The following SLC24A2 variants were observed in gnomAD, a reference collection of about 807,000 sequenced individuals.
The protein encoded by SLC24A2 is solute carrier family 24 member 2.
A neutral mutation model predicts 62.0 loss-of-function variants in SLC24A2; 36 were observed. The ratio of observed to expected loss-of-function variants is 0.58; its 90% CI spans 0.44 to 0.77. SLC24A2 has a LOEUF of 0.77. SLC24A2 is among the 30% of genes least tolerant of loss of function. The probability of loss-of-function intolerance (pLI) is 0.00; values close to 1 mark genes in which losing one functional copy is unlikely to be tolerated. For synonymous variants in SLC24A2, 358 were observed against 294.0 expected (o/e 1.22, Z -2.23); for missense variants, 846 against 817.9 (o/e 1.03, Z -0.42).
At chr9:19,642,049 G>A (rs180690670) in intron 2 of SLC24A2, among the ~76,000 whole-genome samples, 7 of 152,190 alleles carry the variant, frequency 4.6e-5, no homozygotes, top group Non-Finnish European at 1.0e-4. Flanking sequence ...GTCGTTGGGA[G>A]GGAGGGGAAG....
chr9:20,208,026 G>A, the SLC24A2 span, among the ~76,000 whole-genome samples: 2 of 152,302 alleles, frequency 1.3e-5, no homozygotes, highest in East Asian at 1.9e-4. Context: ...TTAAAGACTT[G>A]TAAAGGAGAC....
the SLC24A2 span, among the ~76,000 whole-genome samples, chr9:20,008,922 C>A: frequency 2.2e-4 from 33 of 152,302 alleles, no homozygotes; most frequent in Middle Eastern, 3.4e-3. Flanking sequence ...CAACTGGCAA[C>A]TGTCCACAGG....
At chr9:19,770,655 A>C (rs1010710893) in intron 2 of SLC24A2, among the ~76,000 whole-genome samples, 12 of 152,222 alleles carry the variant, frequency 7.9e-5, no homozygotes, top group African/African-American at 2.9e-4. Flanking sequence ...TGCATAGGTA[A>C]CTTGTAAAAT....
chr9:20,229,719 TATTTC>T, the SLC24A2 span, among the ~76,000 whole-genome samples: 3 of 152,266 alleles, frequency 2.0e-5, no homozygotes, highest in South Asian at 6.2e-4. Context: ...ATTATTTTTC[TATTTC>T]TTTTTTTTTA....
the SLC24A2 span, among the ~76,000 whole-genome samples, chr9:20,023,259 T>G: frequency 6.6e-6 from 1 of 152,238 alleles, no homozygotes; most frequent in African/African-American, 2.4e-5. Context: ...TACAACAGAA[T>G]GTAGTTAATA....
At chr9:20,043,426 A>G in the SLC24A2 span, among the ~76,000 whole-genome samples, 1 of 152,234 alleles carries the variant, frequency 6.6e-6, no homozygotes, top group Non-Finnish European at 1.5e-5. Context: ...GCTGCCATAG[A>G]TAGTGATTCT....
intron 10 of SLC24A2, among the ~76,000 whole-genome samples, chr9:19,520,680 G>T (rs1406054660): frequency 6.6e-6 from 1 of 151,844 alleles, no homozygotes; most frequent in Admixed American, 6.6e-5. Context: ...ATGTGCTTCT[G>T]CTTGTCTAGG....
At chr9:19,944,459 A>G in the SLC24A2 span, among the ~76,000 whole-genome samples, 5 of 151,020 alleles carry the variant, frequency 3.3e-5, no homozygotes, top group African/African-American at 1.2e-4. Context: ...AAAAAAAAAA[A>G]GGAAGGATGC....
chr9:19,947,881 T>C, the SLC24A2 span, among the ~76,000 whole-genome samples: 3 of 151,714 alleles, frequency 2.0e-5, no homozygotes, highest in African/African-American at 7.3e-5. Context: ...TACACTTTGT[T>C]GGATAGATTT....
At chr9:19,701,547 G>T (rs1357517496) in intron 2 of SLC24A2, among the ~76,000 whole-genome samples, 2 of 152,156 alleles carry the variant, frequency 1.3e-5, no homozygotes, top group Non-Finnish European at 2.9e-5. Flanking sequence ...AAGGAAACAT[G>T]AATTTATTAC....
the SLC24A2 span, among the ~76,000 whole-genome samples, chr9:19,817,145 G>A: frequency 3.3e-5 from 5 of 151,872 alleles, no homozygotes; most frequent in African/African-American, 9.7e-5. Context: ...GTGAGTTCTC[G>A]GTTTCATATA....
chr9:20,307,323 A>C, the SLC24A2 span, among the ~76,000 whole-genome samples: 1 of 152,210 alleles, frequency 6.6e-6, no homozygotes, highest in African/African-American at 2.4e-5. Context: ...ACTTTCTTAT[A>C]AATTAATCAG....
At chr9:19,960,119 G>T in the SLC24A2 span, among the ~76,000 whole-genome samples, 1 of 152,122 alleles carries the variant, frequency 6.6e-6, no homozygotes, top group Non-Finnish European at 1.5e-5. Context: ...GGCTAGAGCA[G>T]GAGCATTTCA....
chr9:19,561,353 A>G (rs1016820679), intron 7 of SLC24A2, among the ~76,000 whole-genome samples: 8 of 152,116 alleles, frequency 5.3e-5, no homozygotes, highest in Admixed American at 4.6e-4. Context: ...TCTTATTGGA[A>G]GGCAATGCCA....
the SLC24A2 span, among the ~76,000 whole-genome samples, chr9:20,130,232 AT>A: frequency 6.6e-6 from 1 of 152,230 alleles, no homozygotes. Flanking sequence ...ACCACAGAGA[AT>A]AAGCCATAAA....
At chr9:20,112,153 A>G in the SLC24A2 span, among the ~76,000 whole-genome samples, 1 of 152,166 alleles carries the variant, frequency 6.6e-6, no homozygotes, top group Admixed American at 6.6e-5. Flanking sequence ...TGATTTTTCT[A>G]TCTCTGCAAA....
At chr9:19,915,870 G>A in the SLC24A2 span, among the ~76,000 whole-genome samples, 1 of 151,768 alleles carries the variant, frequency 6.6e-6, no homozygotes, top group Non-Finnish European at 1.5e-5. Context: ...TATATTCTCT[G>A]GGTCATCTTT....
chr9:20,163,712 T>C, the SLC24A2 span, among the ~76,000 whole-genome samples: 6 of 151,984 alleles, frequency 3.9e-5, no homozygotes, highest in South Asian at 4.1e-4. Flanking sequence ...GGAGGCATCA[T>C]GCTACCTGAC....
intron 5 of SLC24A2, among the ~76,000 whole-genome samples, chr9:19,592,395 C>T (rs186750252): frequency 1.3e-5 from 2 of 152,154 alleles, no homozygotes; most frequent in Non-Finnish European, 2.9e-5. Context: ...GGTTAAATGG[C>T]AGAGAGTTTA....
Sources: gnomAD v4.1 joint callset for allele counts (sites outside exome capture counted in the v4.1 genomes callset) on GRCh38, gnomAD v4.1.1 for gene constraint, MANE v1.5 for transcripts, NCBI Gene and HGNC (gene_info 2026-07-23, HGNC 2026-07-21) for gene names.